The following SH3BGRL2 variants were observed in gnomAD, a reference collection of about 807,000 sequenced individuals.
SH3BGRL2 encodes the protein SH3 domain binding glutamate rich protein like 2, also known as SH3 domain-binding glutamic acid-rich-like protein 2.
In SH3BGRL2, 21 loss-of-function variants were observed where a neutral mutation model predicts 14.8. That is an observed-to-expected ratio of 1.42 (90% confidence interval 1.01 to 2.05). SH3BGRL2 has a LOEUF of 2.05. Ranked by LOEUF, SH3BGRL2 falls within the 30% of genes most tolerant of loss-of-function variation. The probability of loss-of-function intolerance (pLI) is 0.00; values close to 1 mark genes in which losing one functional copy is unlikely to be tolerated. For missense variants in SH3BGRL2, 147 were observed against 130.8 expected, an observed-to-expected ratio of 1.12 and a Z score of -0.61; for synonymous variants, 50 against 47.8, an observed-to-expected ratio of 1.05 and a Z score of -0.19.
At chr6:79,603,466 C>T in the SH3BGRL2 span, among the ~76,000 whole-genome samples, 1 of 152,220 alleles carries the variant, frequency 6.6e-6, no homozygotes, top group Non-Finnish European at 1.5e-5. Flanking sequence ...GTCTGTCCTC[C>T]ACAAAGACTT....
At chr6:79,614,006 G>A in the SH3BGRL2 span, among the ~76,000 whole-genome samples, 2 of 152,074 alleles carry the variant, frequency 1.3e-5, no homozygotes, top group East Asian at 1.9e-4. Context: ...CAGCAGGGGC[G>A]GCTTTGACCT....
At chr6:79,673,401 C>T (rs1769813491) in intron 1 of SH3BGRL2, among the ~76,000 whole-genome samples, 1 of 151,938 alleles carries the variant, frequency 6.6e-6, no homozygotes, top group African/African-American at 2.4e-5. Context: ...ATAGAGAGAC[C>T]CCATCTCAAA....
the SH3BGRL2 span, among the ~76,000 whole-genome samples, chr6:79,583,964 A>G: frequency 6.6e-6 from 1 of 152,152 alleles, no homozygotes; most frequent in African/African-American, 2.4e-5. Context: ...TCTAATTGTC[A>G]CTATTTTCTC....
At chr6:79,699,109 C>G (rs1770394238) in intron 3 of SH3BGRL2, among the ~76,000 whole-genome samples, 2 of 152,044 alleles carry the variant, frequency 1.3e-5, no homozygotes, top group Admixed American at 1.3e-4. Flanking sequence ...GGCAGCGACT[C>G]TTTACTAACA....
chr6:79,671,828 C>T (rs1769780161), intron 1 of SH3BGRL2, among the ~76,000 whole-genome samples: 1 of 152,210 alleles, frequency 6.6e-6, no homozygotes, highest in South Asian at 2.1e-4. Context: ...CCATGTTCAC[C>T]TCTGCAGACC....
At chr6:79,567,541 G>A in the SH3BGRL2 span, among the ~76,000 whole-genome samples, 130 of 152,290 alleles carry the variant, frequency 8.5e-4, no homozygotes, top group African/African-American at 3.1e-3. Context: ...TTAGAGAGGT[G>A]TAGAAGAAAC....
upstream of SH3BGRL2, among the ~76,000 whole-genome samples, chr6:79,630,483 A>G (rs555687958): frequency 1.3e-5 from 2 of 152,180 alleles, no homozygotes; most frequent in Non-Finnish European, 2.9e-5. Flanking sequence ...AACTATTAGC[A>G]ACTATATAGA....
At chr6:79,603,528 G>A in the SH3BGRL2 span, among the ~76,000 whole-genome samples, 4 of 152,200 alleles carry the variant, frequency 2.6e-5, no homozygotes, top group African/African-American at 9.7e-5. Context: ...AGCAGGCAAA[G>A]GATGCGCCTT....
the SH3BGRL2 span, among the ~76,000 whole-genome samples, chr6:79,582,701 A>G: frequency 6.6e-6 from 1 of 152,310 alleles, no homozygotes; most frequent in South Asian, 2.1e-4. Context: ...AACCTAGGCA[A>G]TACCATTCAG....
chr6:79,624,896 G>A, the SH3BGRL2 span, among the ~76,000 whole-genome samples: 1 of 152,092 alleles, frequency 6.6e-6, no homozygotes. Context: ...TCCTGGGTGG[G>A]CTCCATGGCT....
intron 1 of SH3BGRL2, among the ~76,000 whole-genome samples, chr6:79,657,423 G>C (rs762895917): frequency 3.0e-4 from 46 of 152,250 alleles, no homozygotes; most frequent in Admixed American, 1.0e-3. Flanking sequence ...TGACTTTGTG[G>C]TTACTAGGAA....
At chr6:79,569,581 T>C in the SH3BGRL2 span, among the ~76,000 whole-genome samples, 1 of 152,172 alleles carries the variant, frequency 6.6e-6, no homozygotes, top group Non-Finnish European at 1.5e-5. Flanking sequence ...TGCTGGTCAA[T>C]TGTGCCTGAA....
At chr6:79,553,516 T>C in the SH3BGRL2 span, among the ~76,000 whole-genome samples, 4 of 152,156 alleles carry the variant, frequency 2.6e-5, no homozygotes, top group African/African-American at 4.8e-5. Context: ...ACCACTTGCA[T>C]GAACAAGTAA....
At chr6:79,538,938 G>A in the SH3BGRL2 span, among the ~76,000 whole-genome samples, 1 of 152,058 alleles carries the variant, frequency 6.6e-6, no homozygotes, top group Non-Finnish European at 1.5e-5. Context: ...TAATGCCAGA[G>A]TACAAGCCTA....
rs9448758 is a variant in SH3BGRL2 at position 79,654,833 on chromosome 6, C to T, written c.46-18781C>T. On this transcript the variant is annotated intron_variant, in intron 1 of 3. Coordinates refer to ENST00000369838, the MANE Select transcript of SH3BGRL2 (RefSeq NM_031469.4). ...AGGTTTGATCCCTTTTACTTTTATT[C>T]CTCTTCGGTGCAGATATCTGATTCT... 1.3e-3 allele frequency among the ~76,000 whole-genome samples: 193 copies of T among 152,164 alleles called. 1 individual carries two copies. The highest frequency in any genetic ancestry group is 4.4e-3 in the African/African-American group (183 of 41,516).
intron 1 of SH3BGRL2, among the ~76,000 whole-genome samples, chr6:79,635,054 CTT>C (rs1768896272): frequency 6.6e-6 from 1 of 152,140 alleles, no homozygotes; most frequent in African/African-American, 2.4e-5. Flanking sequence ...TCAGAGATGT[CTT>C]TAGTTTCTGC....
chr6:79,590,426 TATATATATATA>T, the SH3BGRL2 span, among the ~76,000 whole-genome samples: 3,204 of 55,890 alleles, frequency 0.057, 94 homozygotes, highest in Middle Eastern at 0.13. Flanking sequence ...GAAAATGTGA[TATATATATATA>T]TATATATATA....
chr6:79,551,165 A>G, the SH3BGRL2 span, among the ~76,000 whole-genome samples: 2 of 152,224 alleles, frequency 1.3e-5, no homozygotes, highest in Non-Finnish European at 2.9e-5. Context: ...ATTTTGTTAC[A>G]TTTTGAAGGA....
chr6:79,563,662 T>A, the SH3BGRL2 span, among the ~76,000 whole-genome samples: 1 of 151,924 alleles, frequency 6.6e-6, no homozygotes, highest in African/African-American at 2.4e-5. Flanking sequence ...ACCCACCAAA[T>A]ATGTGAGTGA....
Sources: gnomAD v4.1 joint callset for allele counts (sites outside exome capture counted in the v4.1 genomes callset) on GRCh38, gnomAD v4.1.1 for gene constraint, MANE v1.5 for transcripts, NCBI Gene and HGNC (gene_info 2026-07-23, HGNC 2026-07-21) for gene names.